Variants in MBD2 observed in about 807,000 individuals in gnomAD.
MBD2 encodes methyl-CpG-binding domain protein 2.
MBD2 carries 9 observed loss-of-function variants against 39.3 expected under a neutral mutation model. That is an observed-to-expected ratio of 0.23 (90% confidence interval 0.14 to 0.40). MBD2 has a LOEUF of 0.40. Ranked by LOEUF, MBD2 falls within the 10% of genes least tolerant of loss-of-function variation. The pLI is 1.00. For missense variants in MBD2, 458 were observed against 532.6 expected (o/e 0.86, Z 1.38); for synonymous variants, 233 against 211.1 (o/e 1.10, Z -0.90).
chr18:54,198,264 T>C (rs2086380945), intron 2 of MBD2, among the ~76,000 whole-genome samples: 1 of 152,216 alleles, frequency 6.6e-6, no homozygotes, highest in African/African-American at 2.4e-5. Context: ...GAAAAATCCA[T>C]AGTCAAACAA....
intron 2 of MBD2, among the ~76,000 whole-genome samples, chr18:54,193,855 C>T (rs902646529): frequency 2.0e-5 from 3 of 152,062 alleles, no homozygotes; most frequent in Non-Finnish European, 2.9e-5. Context: ...AGAAGAAAAT[C>T]GATAAAGACA....
At chr18:54,213,418 C>G (rs2086527423) in intron 1 of MBD2, among the ~76,000 whole-genome samples, 1 of 152,148 alleles carries the variant, frequency 6.6e-6, no homozygotes, top group African/African-American at 2.4e-5. Flanking sequence ...CATTCGGGAT[C>G]CATGGAAAAA....
chr18:54,210,866 A>ATTTTTTTT (rs74180457), intron 1 of MBD2, among the ~76,000 whole-genome samples: 1 of 99,350 alleles, frequency 1.0e-5, no homozygotes, highest in African/African-American at 4.3e-5. Flanking sequence ...TCAACTTTCT[A>ATTTTTTTT]TTTTTTTTTT....
chr18:54,193,151 G>C (rs1400702007), intron 2 of MBD2, among the ~76,000 whole-genome samples: 1 of 152,178 alleles, frequency 6.6e-6, no homozygotes, highest in East Asian at 1.9e-4. Context: ...GGACTGCCTT[G>C]AGTCACTATT....
At chr18:54,166,735 C>T (rs1436936959) in intron 3 of MBD2, among the ~76,000 whole-genome samples, 2 of 152,188 alleles carry the variant, frequency 1.3e-5, no homozygotes, top group Non-Finnish European at 2.9e-5. Flanking sequence ...ATGAGTGACT[C>T]TTTCCCTGCT....
chr18:54,187,939 G>T, intron 3 of MBD2: 1 of 754,730 alleles, frequency 1.3e-6, no homozygotes, highest in Non-Finnish European at 1.6e-6. Flanking sequence ...CCTTTATGAA[G>T]TCTGGAGATG....
Position 54,224,498 on chromosome 18 carries a change from G to T in MBD2, c.62C>A (p.Ala21Glu). ...CPEQEEGESA[A>E]GGSGAGGDSA... ...GTCGCCGCCAGCGCCGCTGCCGCCC[G>T]CCGCACTCTCCCCCTCCTCCTGCTC... The change falls in exon 1 of 7, where the codon GCG (alanine) becomes GAG (glutamate). Residue 21 changes from alanine to glutamate, a missense_variant. Physicochemically the swap from Ala to Glu is moderately radical, Grantham distance 107 (BLOSUM62 -1). Coordinates refer to ENST00000256429, the MANE Select transcript of MBD2 (RefSeq NM_003927.5). 8.1e-7 allele frequency: 1 copy of T among 1,229,364 alleles called. No homozygotes were observed. The highest frequency in any genetic ancestry group is 1.0e-6 in the Non-Finnish European group (1 of 987,362). The allele number at this position is 1,229,364 out of a possible 1,614,324, so 76.2% of individuals were successfully genotyped here.
intron 3 of MBD2, among the ~76,000 whole-genome samples, chr18:54,175,843 A>G (rs1408182809): frequency 1.3e-5 from 2 of 152,206 alleles, no homozygotes; most frequent in African/African-American, 4.8e-5. Flanking sequence ...AGGGGACTGA[A>G]GACATTTTGT....
rs1200527914 is a variant in MBD2, at chr18:54,213,991, TTTTC to T, written c.543-8838_543-8835del. On this transcript the variant is annotated intron_variant, in intron 1 of 6. Transcript: ENST00000256429. Reference sequence around the variant, plus strand: ...TATGTCAAAATTAGCAGTGGTTCTCTTTTCTTTCTTTCTTTTTTTTTTTTTTTTT... The same window carrying T: ...TATGTCAAAATTAGCAGTGGTTCTCTTTTCTTTCTTTTTTTTTTTTTTTTT... 6.0e-4 allele frequency among the ~76,000 whole-genome samples: 91 copies of T among 150,804 alleles called. No individual in the cohort carries two copies. The East Asian group carries it at 9.7e-3, about 16-fold the overall frequency.
At chr18:54,164,779 T>A (rs1300052929) in intron 4 of MBD2, 79 bp from the exon 5 acceptor site, 1 of 1,119,194 alleles carries the variant, frequency 8.9e-7, no homozygotes, top group Non-Finnish European at 1.3e-6. Flanking sequence ...AAACAACTGA[T>A]ATTTTTATAT....
In MBD2 at chr18:54,154,024, G is replaced by A. The variant is rs1461934856; in HGVS notation, c.*1300C>T. The A allele has an allele frequency of 1.3e-5, 2 of 152,162 alleles. No homozygotes were observed. The highest frequency in any genetic ancestry group is 2.4e-5 in the African/African-American group (1 of 41,426). The allele number at this position is 152,162 out of a possible 1,614,324, so 9.4% of individuals were successfully genotyped here. Reference sequence around the variant, plus strand: ...AATAAAATGTACAGGTGACACTCATGTGGAATTGGTCATACCCCTGACTGC... The same window carrying A: ...AATAAAATGTACAGGTGACACTCATATGGAATTGGTCATACCCCTGACTGC... On this transcript the variant is annotated 3_prime_UTR_variant, in exon 7 of 7. Coordinates refer to ENST00000256429, the MANE Select transcript of MBD2 (RefSeq NM_003927.5).
Position 54,224,441 on chromosome 18 carries a change from G to T in MBD2, c.119C>A (p.Ala40Glu). The change falls in exon 1 of 7, where the codon GCG (alanine) becomes GAG (glutamate). Residue 40 changes from alanine (A) to glutamate (E), a missense_variant. By Grantham distance (107) the Ala-to-Glu change is moderately radical. Transcript: ENST00000256429. Reference sequence around the variant, plus strand: ...GCCGCTCACCGGGGACGGGGCGAGCGCGCTGCCCTGGCCCCCCTGCTCTAT... The same window carrying T: ...GCCGCTCACCGGGGACGGGGCGAGCTCGCTGCCCTGGCCCCCCTGCTCTAT... ...SAIEQGGQGS[A>E]LAPSPVSGVR... 1 of 1,240,672 alleles carries T rather than the reference G, an allele frequency of 8.1e-7. No individual in the cohort carries two copies. Among genetic ancestry groups the T allele is most frequent in the Non-Finnish European group, 1.0e-6 (1 of 995,798 alleles). 76.9% of individuals were successfully genotyped at this position (1,240,672 alleles called of 1,614,324 possible). A position where few individuals can be genotyped will look rare whatever the true frequency, so the allele number is the denominator to read the frequency against.
intron 2 of MBD2, among the ~76,000 whole-genome samples, chr18:54,190,976 A>G (rs547831077): frequency 3.3e-5 from 5 of 152,326 alleles, no homozygotes; most frequent in East Asian, 3.9e-4. Context: ...AGAAAACACA[A>G]TTATCGTGTT....
In MBD2 at chr18:54,165,959, T is replaced by C. The variant is rs1324660237; in HGVS notation, c.931+117A>G. 9.0e-6 allele frequency: 6 copies of C among 667,620 alleles called. No homozygotes were observed. The African/African-American group carries it at 1.1e-4, about 12-fold the overall frequency. 41.4% of individuals were successfully genotyped at this position (667,620 alleles called of 1,614,324 possible). ...GAGGTACGTCATCCAGCAAGGCATATGACCTCCCAAAGCAAAGGCCTCCTG... is the reference window on the plus strand; with the variant it reads ...GAGGTACGTCATCCAGCAAGGCATACGACCTCCCAAAGCAAAGGCCTCCTG... On this transcript the variant is annotated intron_variant, in intron 4 of 6. Coordinates refer to ENST00000256429, the MANE Select transcript of MBD2 (RefSeq NM_003927.5).
At chr18:54,212,865 A>G (rs2086520571) in intron 1 of MBD2, among the ~76,000 whole-genome samples, 1 of 40,298 alleles carries the variant, frequency 2.5e-5, no homozygotes, top group Non-Finnish European at 4.0e-5. Flanking sequence ...CTCAGTCTCT[A>G]CAAAAAAAAC....
chr18:54,205,232 T>C, intron 1 of MBD2, 75 bp from the exon 2 acceptor site: 1 of 1,251,026 alleles, frequency 8.0e-7, no homozygotes, highest in South Asian at 1.4e-5. Context: ...TGTCTTCCCC[T>C]ACCCTCAATT....
intron 1 of MBD2, among the ~76,000 whole-genome samples, chr18:54,216,384 T>C (rs139807368): frequency 7.2e-5 from 11 of 152,350 alleles, no homozygotes; most frequent in African/African-American, 2.2e-4. Flanking sequence ...TTTGGATTAA[T>C]AGAGAAATGT....
intron 3 of MBD2, among the ~76,000 whole-genome samples, chr18:54,180,432 C>T (rs1055655375): frequency 3.9e-5 from 6 of 152,052 alleles, no homozygotes; most frequent in Non-Finnish European, 7.4e-5. Context: ...ACTTACCCTA[C>T]CCAGAAAAAT....
intron 1 of MBD2, among the ~76,000 whole-genome samples, chr18:54,206,379 C>T (rs539739690): frequency 6.6e-6 from 1 of 152,244 alleles, no homozygotes; most frequent in South Asian, 2.1e-4. Context: ...TGTGCTAGAA[C>T]AAAGTCAGTG....
Sources: allele counts gnomAD v4.1 joint callset (sites outside exome capture counted in the v4.1 genomes callset), GRCh38; gene constraint gnomAD v4.1.1; transcripts MANE v1.5; gene names NCBI Gene and HGNC (gene_info 2026-07-23, HGNC 2026-07-21).